LAMA2: variants seen among roughly 807,000 people sequenced by gnomAD.
The protein encoded by LAMA2 is laminin subunit alpha 2, also known as laminin subunit alpha-2.
In LAMA2, 269 loss-of-function variants were observed where a neutral mutation model predicts 364.8. The observed-to-expected ratio is 0.74, with a 90% CI of 0.67 to 0.82. The LOEUF is 0.82. LAMA2 is among the 40% of genes least tolerant of loss of function. The pLI, the probability that LAMA2 is intolerant of heterozygous loss-of-function variation, is 0.00. For missense variants in LAMA2, 3,807 were observed against 3,873.2 expected, an observed-to-expected ratio of 0.98 and a Z score of 0.45; for synonymous variants, 1,379 against 1,370.6, an observed-to-expected ratio of 1.01 and a Z score of -0.14.
chr6:129,043,697 G>A (rs1462332450), intron 1 of LAMA2, among the ~76,000 whole-genome samples: 2 of 151,426 alleles, frequency 1.3e-5, no homozygotes, highest in Non-Finnish European at 2.9e-5. Flanking sequence ...TTTTTTAATT[G>A]CAACCTGGAT....
chr6:129,149,131 C>A, intron 7 of LAMA2, 35 bp downstream of exon 7: 1 of 1,286,098 alleles, frequency 7.8e-7, no homozygotes, highest in Non-Finnish European at 1.1e-6. Flanking sequence ...ATATGTCATT[C>A]TTCCTTTCCA....
intron 1 of LAMA2, among the ~76,000 whole-genome samples, chr6:128,926,973 C>T (rs894344898): frequency 6.6e-6 from 1 of 152,184 alleles, no homozygotes; most frequent in Non-Finnish European, 1.5e-5. Context: ...TACATTCATC[C>T]TCTAAGGTAT....
At chr6:128,889,795 G>T (rs926489589) in intron 1 of LAMA2, among the ~76,000 whole-genome samples, 5 of 152,168 alleles carry the variant, frequency 3.3e-5, no homozygotes, top group Admixed American at 6.5e-5. Flanking sequence ...GCTTGTCAAA[G>T]ATGTATAATA....
intron 1 of LAMA2, among the ~76,000 whole-genome samples, chr6:129,042,237 G>T (rs531699318): frequency 6.6e-6 from 1 of 151,936 alleles, no homozygotes; most frequent in Non-Finnish European, 1.5e-5. Context: ...CCTGAGAGGC[G>T]GAGGTTGCAG....
chr6:128,974,874 AG>A (rs1284263410), intron 1 of LAMA2, among the ~76,000 whole-genome samples: 257 of 149,026 alleles, frequency 1.7e-3, no homozygotes, highest in African/African-American at 6.3e-3. Flanking sequence ...TTTTTTGAGA[AG>A]GAGTCTCACT....
chr6:129,010,127 G>A (rs968563316), intron 1 of LAMA2, among the ~76,000 whole-genome samples: 4 of 152,172 alleles, frequency 2.6e-5, no homozygotes, highest in Non-Finnish European at 5.9e-5. Flanking sequence ...TACTGAAGGG[G>A]TTTGTTTAAA....
At chr6:129,100,123 C>T (rs1775437132) in intron 4 of LAMA2, among the ~76,000 whole-genome samples, 1 of 152,148 alleles carries the variant, frequency 6.6e-6, no homozygotes. Context: ...ATGCGTGTCA[C>T]AAGCATATAC....
At position 129,088,963 on chromosome 6, in the gene LAMA2, G is replaced by A. The variant is rs572047281; in HGVS notation, c.397-9210G>A. 1.1e-3 allele frequency among the ~76,000 whole-genome samples: 169 copies of A among 150,898 alleles called. 1 individual carries two copies. In the East Asian group the frequency reaches 0.015, roughly 13 times the overall value. ...GGCACTTTGGGAGGCCAAGGCAGGC[G>A]GCTGGGAGGTGGAGGTTGTAGCTAG... On this transcript the variant is annotated intron_variant, in intron 3 of 64. Coordinates refer to ENST00000421865, the MANE Select transcript of LAMA2 (RefSeq NM_000426.4).
intron 1 of LAMA2, among the ~76,000 whole-genome samples, chr6:128,909,380 C>G (rs902905681): frequency 1.3e-5 from 2 of 151,718 alleles, no homozygotes; most frequent in African/African-American, 4.9e-5. Flanking sequence ...GATCCCTTTA[C>G]CATTATGTAA....
At chr6:129,140,969 A>G (rs1362694219) in intron 4 of LAMA2, among the ~76,000 whole-genome samples, 1 of 152,014 alleles carries the variant, frequency 6.6e-6, no homozygotes, top group African/African-American at 2.4e-5. Flanking sequence ...CCTTTTTTCC[A>G]AAAAGGTCCT....
At chr6:129,511,954 T>C (rs969668780) in intron 62 of LAMA2, among the ~76,000 whole-genome samples, 2 of 152,206 alleles carry the variant, frequency 1.3e-5, no homozygotes, top group African/African-American at 4.8e-5. Flanking sequence ...TGTTTTTCTT[T>C]ACCCAACAGA....
intron 39 of LAMA2, 121 bp downstream of exon 39, chr6:129,402,608 C>A (rs1429819522): frequency 1.0e-5 from 10 of 982,166 alleles, no homozygotes; most frequent in Middle Eastern, 4.4e-4. Context: ...AACACACTAG[C>A]TATATGGCCT....
chr6:129,507,539 C>A lies in LAMA2; in HGVS notation c.8754C>A (p.Ala2918=). 1 of 1,614,130 alleles carries A rather than the reference C, an allele frequency of 6.2e-7. No individual in the cohort carries two copies. Among genetic ancestry groups the A allele is most frequent in the Non-Finnish European group, 8.5e-7 (1 of 1,179,972 alleles). The change falls in exon 62 of 65, where the codon GCC becomes GCA. Residue 2918 remains alanine, a synonymous_variant. Coordinates refer to ENST00000421865, the MANE Select transcript of LAMA2 (RefSeq NM_000426.4). ...TCAGGAATCTCCACATGGCAGAGGC[C>A]CCTGCCGATCTGGAACAACCCACCT... ...GCVRNLHMAE[A]PADLEQPTSS...
chr6:129,363,801 C>T (rs1391043947), intron 32 of LAMA2, among the ~76,000 whole-genome samples: 1 of 152,200 alleles, frequency 6.6e-6, no homozygotes, highest in Non-Finnish European at 1.5e-5. Context: ...GAGAACCAGA[C>T]TGTGGATCTT....
chr6:128,912,004 C>T (rs1464822040), intron 1 of LAMA2, among the ~76,000 whole-genome samples: 2 of 152,092 alleles, frequency 1.3e-5, no homozygotes, highest in African/African-American at 2.4e-5. Context: ...TAACATTTTC[C>T]GTTGAATGAA....
chr6:128,908,292 G>A (rs1215996482), intron 1 of LAMA2, among the ~76,000 whole-genome samples: 22 of 152,006 alleles, frequency 1.4e-4, no homozygotes, highest in African/African-American at 4.8e-4. Flanking sequence ...GTAAGCTATT[G>A]ATTATTGTCA....
intron 4 of LAMA2, among the ~76,000 whole-genome samples, chr6:129,135,411 G>A (rs552803185): frequency 2.6e-5 from 4 of 152,316 alleles, no homozygotes; most frequent in South Asian, 2.1e-4. Flanking sequence ...GGCACATTCA[G>A]TGAATTCAGA....
intron 55 of LAMA2, among the ~76,000 whole-genome samples, chr6:129,482,021 A>G (rs1174586330): frequency 1.3e-5 from 2 of 152,174 alleles, no homozygotes; most frequent in East Asian, 3.8e-4. Flanking sequence ...AAGAATGTCA[A>G]CCAGCCGGGT....
At chr6:129,151,951 T>G (rs1167493145) in intron 7 of LAMA2, among the ~76,000 whole-genome samples, 1 of 152,212 alleles carries the variant, frequency 6.6e-6, no homozygotes. Context: ...TGATTTGTAT[T>G]GATTACTATG....
Sources: gnomAD v4.1 joint callset for allele counts (sites outside exome capture counted in the v4.1 genomes callset) on GRCh38, gnomAD v4.1.1 for gene constraint, MANE v1.5 for transcripts, NCBI Gene and HGNC (gene_info 2026-07-23, HGNC 2026-07-21) for gene names.